The following DHRS3 variants were observed in gnomAD, a reference collection of about 807,000 sequenced individuals.
DHRS3 encodes short-chain dehydrogenase/reductase 3.
In DHRS3, 14 loss-of-function variants were observed where a neutral mutation model predicts 27.2. The observed-to-expected ratio is 0.52, with a 90% CI of 0.34 to 0.81. The LOEUF is 0.81. DHRS3 is among the 30% of genes least tolerant of loss of function. The pLI, the probability that DHRS3 is intolerant of heterozygous loss-of-function variation, is 0.01. For synonymous variants in DHRS3, 165 were observed against 175.9 expected, an observed-to-expected ratio of 0.94 and a Z score of 0.49; for missense variants, 322 against 406.2, an observed-to-expected ratio of 0.79 and a Z score of 1.78.
In DHRS3 at chr1:12,579,278, C is replaced by T; in HGVS notation, c.459+15G>A. On this transcript the variant is annotated intron_variant, in intron 3 of 5. Coordinates refer to ENST00000616661, the MANE Select transcript of DHRS3 (RefSeq NM_004753.7). ...TGCACGCCCGGGGCTGGCTCTGGCC[C>T]CGGATAGCCCTTACCCAGAACTGGC... 6.2e-7 allele frequency: 1 copy of T among 1,614,098 alleles called. No homozygotes were observed. The highest frequency in any genetic ancestry group is 1.3e-5 in the African/African-American group (1 of 75,046).
chr1:12,604,725 C>A (rs897063494), intron 1 of DHRS3, among the ~76,000 whole-genome samples: 26 of 152,314 alleles, frequency 1.7e-4, no homozygotes, highest in African/African-American at 6.3e-4. Flanking sequence ...AGCGACGTGT[C>A]CCAGGACGGC....
At position 12,580,996 on chromosome 1, in the gene DHRS3, T is replaced by TA. The variant is rs960539872; in HGVS notation, c.196-331dup. 5.9e-5 allele frequency among the ~76,000 whole-genome samples: 9 copies of TA among 151,854 alleles called. No individual in the cohort carries two copies. In the South Asian group the frequency reaches 1.0e-3, roughly 18 times the overall value. The stretch of plus-strand genomic sequence containing the variant: ...TGCTACCATACCTAGCTAATTTTTT[T>TA]AAAAAAAATTTTGTAGAGTAGGGGT... On this transcript the variant is annotated intron_variant, in intron 1 of 5. Coordinates refer to ENST00000616661, the MANE Select transcript of DHRS3 (RefSeq NM_004753.7).
rs1255386969 is a variant in DHRS3, at chr1:12,574,394, T to A, written c.699-1541A>T. On this transcript the variant is annotated intron_variant, in intron 4 of 5. Transcript: ENST00000616661. The surrounding 1 kb of genome is among the most constrained non-coding windows in gnomAD (Gnocchi z 4.6). ...CCATGTTGCCCAGGCTGGCAACTCCTGGGCTGAAGTGATTCCCCTGCCTCA... is the reference window on the plus strand; with the variant it reads ...CCATGTTGCCCAGGCTGGCAACTCCAGGGCTGAAGTGATTCCCCTGCCTCA... Among the ~76,000 whole-genome samples, 2 of 152,144 alleles carry A rather than the reference T, an allele frequency of 1.3e-5. No homozygotes were observed. The highest frequency in any genetic ancestry group is 6.5e-5 in the Admixed American group (1 of 15,280).
chr1:12,577,762 G>T (rs1646603218), intron 4 of DHRS3, among the ~76,000 whole-genome samples: 1 of 152,214 alleles, frequency 6.6e-6, no homozygotes, highest in African/African-American at 2.4e-5. Flanking sequence ...GGTGGAGGTT[G>T]CAGTGAGCCG....
chr1:12,600,530 G>T, intron 1 of DHRS3: 1 of 338,044 alleles, frequency 3.0e-6, no homozygotes, highest in Non-Finnish European at 4.2e-6. Context: ...TGGCAGGACT[G>T]CCTGCCTGCA....
At chr1:12,589,246 C>G (rs576028617) in intron 1 of DHRS3, among the ~76,000 whole-genome samples, 2 of 152,146 alleles carry the variant, frequency 1.3e-5, no homozygotes, top group African/African-American at 4.8e-5. Flanking sequence ...AAGGAGAGAC[C>G]CTTTCTCGAG....
chr1:12,587,798 A>G (rs77723720), intron 1 of DHRS3, among the ~76,000 whole-genome samples: 429 of 152,356 alleles, frequency 2.8e-3, no homozygotes, highest in African/African-American at 9.8e-3. Flanking sequence ...TCACTCTCCA[A>G]ATAGATTCTT....
chr1:12,575,359 A>G (rs1052582282), intron 4 of DHRS3, among the ~76,000 whole-genome samples: 2 of 151,980 alleles, frequency 1.3e-5, no homozygotes. Context: ...CTCAATAAAT[A>G]GCAATTTATA....
At chr1:12,569,829 G>A (rs1646519991) in intron 5 of DHRS3, 1 of 152,256 alleles carries the variant, frequency 6.6e-6, no homozygotes, top group Non-Finnish European at 1.5e-5. Context: ...GCCTTCCAAA[G>A]TGCTGGGATT....
intron 4 of DHRS3, among the ~76,000 whole-genome samples, chr1:12,573,247 G>C (rs1047552168): frequency 2.0e-5 from 3 of 152,174 alleles, no homozygotes; most frequent in South Asian, 4.1e-4. Context: ...TCACATGCTC[G>C]GGTCAGGGCT....
intron 1 of DHRS3, among the ~76,000 whole-genome samples, chr1:12,584,066 C>T (rs1279555075): frequency 1.3e-5 from 2 of 152,086 alleles, no homozygotes; most frequent in African/African-American, 2.4e-5. Context: ...CCCATCCTAC[C>T]TCTGGCTCCT....
chr1:12,616,883 G>T, intron 1 of DHRS3: 1 of 1,009,654 alleles, frequency 9.9e-7, no homozygotes, highest in Non-Finnish European at 1.4e-6. Context: ...GGAAATGGTG[G>T]GTCTCTTAGG....
intron 3 of DHRS3, 99 bp from the exon 4 acceptor site, chr1:12,579,055 C>A: frequency 7.8e-7 from 1 of 1,280,736 alleles, no homozygotes; most frequent in African/African-American, 1.5e-5. Context: ...ACACATGATG[C>A]TCTAGGGCCC....
In DHRS3 at chr1:12,594,249, G is replaced by T. The variant is rs1320613816; in HGVS notation, c.196-13583C>A. On this transcript the variant is annotated intron_variant, in intron 1 of 5. Transcript: ENST00000616661. The surrounding 1 kb of genome is among the most constrained non-coding windows in gnomAD (Gnocchi z 4.1). ...TCAAAGCAAGGCTCGGACTCCAAAG[G>T]GAAGCTCTTTTAACAACCCTGTCCT... 6.6e-6 allele frequency among the ~76,000 whole-genome samples: 1 copy of T among 152,200 alleles called. No homozygotes were observed. Among genetic ancestry groups the T allele is most frequent in the African/African-American group, 2.4e-5 (1 of 41,444 alleles).
In DHRS3 at chr1:12,578,436, T is replaced by C. The variant is rs1646610637; in HGVS notation, c.698+282A>G. Among the ~76,000 whole-genome samples, 2 of 152,124 alleles carry C rather than the reference T, an allele frequency of 1.3e-5. No individual in the cohort carries two copies. The highest frequency in any genetic ancestry group is 6.6e-5 in the Admixed American group (1 of 15,266). On this transcript the variant is annotated intron_variant, in intron 4 of 5. Transcript: ENST00000616661. This position sits in a 1 kb window ranked among gnomAD's most constrained non-coding sequence, Gnocchi z 4.5. ...AGCAATTGATCCTCCCACCTCAGCC[T>C]CCCAGATAGCTGGGAATACAGGTGT...
chr1:12,617,408 TAAAA>T lies in DHRS3; in HGVS notation c.-64_-61del. 1 of 1,512,674 alleles carries T rather than the reference TAAAA, an allele frequency of 6.6e-7. No homozygotes were observed. The highest frequency in any genetic ancestry group is 1.3e-5 in the South Asian group (1 of 79,444). 93.7% of individuals were successfully genotyped at this position (1,512,674 alleles called of 1,614,324 possible). A position where few individuals can be genotyped will look rare whatever the true frequency, so the allele number is the denominator to read the frequency against. On this transcript the variant is annotated 5_prime_UTR_variant, in exon 1 of 6. Transcript: ENST00000616661. ...TCCCCGGGCCGAGCAATACAGGAAT[TAAAA>T]AACACCCCGAACAATAAATAGTAAA...
In DHRS3 at chr1:12,585,888, C is replaced by T. The variant is rs186613247; in HGVS notation, c.196-5222G>A. Among the ~76,000 whole-genome samples the T allele has an allele frequency of 1.6e-4, 24 of 152,330 alleles. 1 individual carries two copies. The highest frequency in any genetic ancestry group is 4.3e-4 in the African/African-American group (18 of 41,590). On this transcript the variant is annotated intron_variant, in intron 1 of 5. Transcript: ENST00000616661. ...GATTTCTGAGCCCTTGGAACCAGTG[C>T]GGCTGCCTCTTAGTGAACTCGGGAC...
chr1:12,576,728 A>T (rs946112184), intron 4 of DHRS3, among the ~76,000 whole-genome samples: 5 of 151,808 alleles, frequency 3.3e-5, no homozygotes, highest in African/African-American at 1.2e-4. Context: ...ACTCCTCGAA[A>T]TTCAGAATTG....
At chr1:12,582,151 C>A (rs774231822) in intron 1 of DHRS3, among the ~76,000 whole-genome samples, 2 of 152,128 alleles carry the variant, frequency 1.3e-5, no homozygotes, top group Non-Finnish European at 2.9e-5. Flanking sequence ...CTTTGTTACA[C>A]GGTATAGAGA....
Sources: allele counts gnomAD v4.1 joint callset (sites outside exome capture counted in the v4.1 genomes callset), GRCh38; gene constraint gnomAD v4.1.1; non-coding constraint Gnocchi (gnomAD v3.1); transcripts MANE v1.5; gene names NCBI Gene and HGNC (gene_info 2026-07-23, HGNC 2026-07-21).